The following MYRIP variants were observed in gnomAD, a reference collection of about 807,000 sequenced individuals.
MYRIP encodes rab effector MyRIP.
Under a neutral mutation model 98.0 loss-of-function variants are expected in MYRIP, and 49 were observed. The ratio of observed to expected loss-of-function variants is 0.50; its 90% confidence interval spans 0.40 to 0.63. The LOEUF is 0.63. Ranked by LOEUF, MYRIP falls within the 30% of genes least tolerant of loss-of-function variation. The pLI, the probability that MYRIP is intolerant of heterozygous loss-of-function variation, is 0.00. For missense variants in MYRIP, 1,004 were observed against 1,058.2 expected (o/e 0.95, Z 0.71); for synonymous variants, 404 against 409.5 (o/e 0.99, Z 0.16).
chr3:40,219,260 C>A (rs1485861161), intron 11 of MYRIP, among the ~76,000 whole-genome samples: 1 of 152,068 alleles, frequency 6.6e-6, no homozygotes, highest in Non-Finnish European at 1.5e-5. Flanking sequence ...AACATTAGGA[C>A]AAGAAAGGCC....
rs577200571 is a variant in MYRIP, at chr3:40,075,917, A to G, written c.332+31646A>G. Among the ~76,000 whole-genome samples, 181 of 152,276 alleles carry G rather than the reference A, an allele frequency of 1.2e-3. 2 individuals are homozygous for G. In the South Asian group the frequency reaches 0.035, roughly 29 times the overall value. On this transcript the variant is annotated intron_variant, in intron 3 of 16. Transcript: ENST00000302541. Reference sequence around the variant, plus strand: ...ATCTGTGATGACAAAGAAACCCCAAAGGCTGGGCATGCTCACGCCTGTAAT... The same window carrying G: ...ATCTGTGATGACAAAGAAACCCCAAGGGCTGGGCATGCTCACGCCTGTAAT...
intron 2 of MYRIP, among the ~76,000 whole-genome samples, chr3:39,944,729 ATT>A (rs1380323771): frequency 6.6e-6 from 1 of 152,158 alleles, no homozygotes; most frequent in African/African-American, 2.4e-5. Context: ...CTTGTGTGAT[ATT>A]GTTAGATGAA....
chr3:39,828,864 A>C (rs1303560530), intron 1 of MYRIP, among the ~76,000 whole-genome samples: 2 of 152,112 alleles, frequency 1.3e-5, no homozygotes, highest in African/African-American at 2.4e-5. Flanking sequence ...GAGTTTCTTT[A>C]TCCACTCATT....
rs574167029 is a variant in MYRIP, at chr3:40,126,014, C to T, written c.333-25034C>T. Among the ~76,000 whole-genome samples the T allele has an allele frequency of 1.2e-3, 188 of 152,314 alleles. 1 individual carries two copies. The highest frequency in any genetic ancestry group is 6.8e-3 in the Middle Eastern group (2 of 294). ...ATTGCTCTGACTCTGTGCTCAAGGG[C>T]CTTCATGCTGTCAGGGCTGAAGGAT... is the stretch of plus-strand genomic sequence containing the variant. On this transcript the variant is annotated intron_variant, in intron 3 of 16. Transcript: ENST00000302541.
In MYRIP at chr3:40,143,761, A is replaced by G. The variant is rs973668443; in HGVS notation, c.333-7287A>G. On this transcript the variant is annotated intron_variant, in intron 3 of 16. Coordinates refer to ENST00000302541, the MANE Select transcript of MYRIP (RefSeq NM_015460.4). Reference sequence around the variant, plus strand: ...TTAAATCAAGCTAGTTAACATATCTATCTCACACATCTTATCATTTTTGTG... The same window carrying G: ...TTAAATCAAGCTAGTTAACATATCTGTCTCACACATCTTATCATTTTTGTG... Among the ~76,000 whole-genome samples, 8 of 152,328 alleles carry G rather than the reference A, an allele frequency of 5.3e-5. No individual in the cohort carries two copies. The South Asian group carries it at 8.3e-4, about 16-fold the overall frequency.
chr3:40,038,795 C>T (rs781225221), intron 2 of MYRIP, among the ~76,000 whole-genome samples: 12 of 152,114 alleles, frequency 7.9e-5, no homozygotes, highest in Admixed American at 3.3e-4. Context: ...TCTTGCTTAC[C>T]TGTGTCCTGA....
Position 39,957,645 on chromosome 3 carries a change from T to A in MYRIP, c.110+56719T>A, listed in dbSNP as rs562568099. The stretch of plus-strand genomic sequence containing the variant: ...AGACAGGGATGCCCTCTCTCACCAC[T>A]CCTATTCAACATAGTGTTGGAAGTT... On this transcript the variant is annotated intron_variant, in intron 2 of 16. Coordinates refer to ENST00000302541, the MANE Select transcript of MYRIP (RefSeq NM_015460.4). 2.3e-3 allele frequency among the ~76,000 whole-genome samples: 345 copies of A among 152,166 alleles called. 1 individual carries two copies. The highest frequency in any genetic ancestry group is 7.9e-3 in the African/African-American group (328 of 41,502).
intron 3 of MYRIP, among the ~76,000 whole-genome samples, chr3:40,065,431 C>A (rs370651650): frequency 6.6e-6 from 1 of 151,604 alleles, no homozygotes; most frequent in South Asian, 2.1e-4. Context: ...ATAATTCAAC[C>A]CACAACATGC....
chr3:39,989,701 T>C (rs970720058), intron 2 of MYRIP, among the ~76,000 whole-genome samples: 6 of 152,208 alleles, frequency 3.9e-5, no homozygotes, highest in African/African-American at 1.4e-4. Context: ...AGTTCTGTCC[T>C]TGAGTCCCTG....
intron 1 of MYRIP, among the ~76,000 whole-genome samples, chr3:39,836,219 A>G (rs530499589): frequency 8.1e-4 from 124 of 152,260 alleles, no homozygotes; most frequent in African/African-American, 2.9e-3. Context: ...AACAGTGTAA[A>G]AGTGTTCCTC....
intron 2 of MYRIP, among the ~76,000 whole-genome samples, chr3:39,927,170 G>T (rs1944436671): frequency 6.6e-6 from 1 of 151,980 alleles, no homozygotes. Flanking sequence ...TTTGTGCGTT[G>T]ATTTTGTATC....
At chr3:39,917,779 C>T (rs1944198348) in intron 2 of MYRIP, among the ~76,000 whole-genome samples, 1 of 152,070 alleles carries the variant, frequency 6.6e-6, no homozygotes, top group Non-Finnish European at 1.5e-5. Context: ...ATACCTTTCT[C>T]ATGAAAAGAT....
intron 11 of MYRIP, among the ~76,000 whole-genome samples, chr3:40,222,921 A>C (rs1334066875): frequency 6.6e-6 from 1 of 152,254 alleles, no homozygotes; most frequent in Non-Finnish European, 1.5e-5. Flanking sequence ...AGTGGTTCTG[A>C]GATTTACGGT....
At chr3:39,921,093 T>C (rs1350607395) in intron 2 of MYRIP, among the ~76,000 whole-genome samples, 1 of 152,214 alleles carries the variant, frequency 6.6e-6, no homozygotes, top group East Asian at 1.9e-4. Flanking sequence ...CTCACTAAAA[T>C]TAACGTTATC....
intron 1 of MYRIP, among the ~76,000 whole-genome samples, chr3:39,816,519 T>G (rs535884855): frequency 6.6e-6 from 1 of 152,312 alleles, no homozygotes; most frequent in South Asian, 2.1e-4. Context: ...CAAAGGCTAA[T>G]AAATATGAAG....
intron 3 of MYRIP, among the ~76,000 whole-genome samples, chr3:40,081,973 T>C (rs992424971): frequency 3.9e-5 from 6 of 152,316 alleles, no homozygotes; most frequent in African/African-American, 1.2e-4. Flanking sequence ...TCCTCCAGGG[T>C]CATCCATGTT....
At chr3:39,845,968 T>G (rs931259436) in intron 1 of MYRIP, among the ~76,000 whole-genome samples, 3 of 152,192 alleles carry the variant, frequency 2.0e-5, no homozygotes, top group African/African-American at 7.2e-5. Context: ...TGAGATGACC[T>G]TCCTGCAGTC....
At chr3:40,225,719 A>G (rs1952467652) in intron 11 of MYRIP, among the ~76,000 whole-genome samples, 1 of 152,188 alleles carries the variant, frequency 6.6e-6, no homozygotes, top group Non-Finnish European at 1.5e-5. Context: ...TCAACCTGGC[A>G]CAGGATGGAC....
At chr3:39,976,072 T>A (rs1945742627) in intron 2 of MYRIP, among the ~76,000 whole-genome samples, 1 of 152,062 alleles carries the variant, frequency 6.6e-6, no homozygotes, top group African/African-American at 2.4e-5. Context: ...ACTAAAGAGC[T>A]TCTGCACAGC....
Sources: allele counts gnomAD v4.1 joint callset (sites outside exome capture counted in the v4.1 genomes callset), GRCh38; gene constraint gnomAD v4.1.1; transcripts MANE v1.5; gene names NCBI Gene and HGNC (gene_info 2026-07-23, HGNC 2026-07-21).